The following ZC3H12B variants were observed in gnomAD, a reference collection of about 807,000 sequenced individuals.
The protein encoded by ZC3H12B is probable ribonuclease ZC3H12B.
Under a neutral mutation model 43.9 loss-of-function variants are expected in ZC3H12B, and 7 were observed. The ratio of observed to expected loss-of-function variants is 0.16; its 90% CI spans 0.09 to 0.30. ZC3H12B has a LOEUF of 0.30. Ranked by LOEUF, ZC3H12B falls within the 10% of genes least tolerant of loss-of-function variation. The probability of loss-of-function intolerance (pLI) is 1.00; values close to 1 mark genes in which losing one functional copy is unlikely to be tolerated. For synonymous variants in ZC3H12B, 222 were observed against 241.7 expected, an observed-to-expected ratio of 0.92 and a Z score of 0.76; for missense variants, 475 against 670.2, an observed-to-expected ratio of 0.71 and a Z score of 3.22.
chrX:65,232,417 A>T, the ZC3H12B span, among the ~76,000 whole-genome samples: 2 of 111,285 alleles, frequency 1.8e-5, no homozygotes, highest in African/African-American at 6.5e-5. Context: ...TAAAAAGATG[A>T]AAAAAGAACA....
At chrX:65,098,859 G>A in the ZC3H12B span, among the ~76,000 whole-genome samples, 6 of 110,419 alleles carry the variant, frequency 5.4e-5, no homozygotes, top group African/African-American at 2.0e-4. Flanking sequence ...CCCCAGTGGT[G>A]CCTGGAACCC....
intron 3 of ZC3H12B, among the ~76,000 whole-genome samples, chrX:65,456,652 C>T (rs1193867525): frequency 5.6e-5 from 6 of 107,215 alleles, no homozygotes; most frequent in African/African-American, 1.4e-4. Flanking sequence ...CTGTGTTGGC[C>T]GGGCTGGTCT....
chrX:65,245,358 C>A, the ZC3H12B span, among the ~76,000 whole-genome samples: 2 of 111,835 alleles, frequency 1.8e-5, no homozygotes, highest in African/African-American at 6.5e-5. Context: ...AAATATCATC[C>A]TGATACCAAA....
the ZC3H12B span, among the ~76,000 whole-genome samples, chrX:65,222,804 T>C: frequency 0.082 from 9,025 of 109,868 alleles, 1,027 homozygotes; most frequent in African/African-American, 0.29. Flanking sequence ...ATGACCATAC[T>C]GCCAAAGGCA....
chrX:65,215,869 G>A, the ZC3H12B span, among the ~76,000 whole-genome samples: 3 of 111,411 alleles, frequency 2.7e-5, no homozygotes, highest in African/African-American at 9.8e-5. Context: ...GGCTGTTATA[G>A]GGTTATCAAT....
At chrX:65,293,897 G>GA in the ZC3H12B span, among the ~76,000 whole-genome samples, 3 of 111,490 alleles carry the variant, frequency 2.7e-5, no homozygotes, top group East Asian at 5.6e-4. Flanking sequence ...GTTCCCAAGG[G>GA]AAAAAAGAAA....
chrX:65,361,943 C>T (rs1393996755), upstream of ZC3H12B, among the ~76,000 whole-genome samples: 2 of 112,401 alleles, frequency 1.8e-5, no homozygotes, highest in African/African-American at 3.2e-5. Flanking sequence ...ATCTGAACCG[C>T]AGCAGCCAGG....
intron 3 of ZC3H12B, among the ~76,000 whole-genome samples, chrX:65,401,355 T>C (rs1445977774): frequency 9.0e-6 from 1 of 111,668 alleles, no homozygotes; most frequent in African/African-American, 3.3e-5. Context: ...ACTTACCTGA[T>C]GCATGTCGAG....
the ZC3H12B span, among the ~76,000 whole-genome samples, chrX:65,216,466 G>A: frequency 3.6e-5 from 4 of 111,443 alleles, no homozygotes; most frequent in Non-Finnish European, 7.5e-5. Context: ...CCCAGAGGAA[G>A]GAATTTGAGT....
At chrX:65,460,037 A>C (rs1297887531) in intron 3 of ZC3H12B, among the ~76,000 whole-genome samples, 2 of 112,090 alleles carry the variant, frequency 1.8e-5, no homozygotes, top group African/African-American at 3.2e-5. Context: ...AATGTATGAA[A>C]ATCACAAGCA....
At chrX:65,121,060 T>C in the ZC3H12B span, among the ~76,000 whole-genome samples, 2 of 111,574 alleles carry the variant, frequency 1.8e-5, no homozygotes, top group South Asian at 3.8e-4. Context: ...GCCAGTATTT[T>C]ATTGAGGATT....
chrX:65,391,368 A>G (rs749080042), intron 2 of ZC3H12B, among the ~76,000 whole-genome samples: 1 of 112,699 alleles, frequency 8.9e-6, no homozygotes, highest in East Asian at 2.8e-4. Context: ...TCAGTTTCAC[A>G]GGTTGATTAT....
At chrX:65,246,112 CCAA>C in the ZC3H12B span, among the ~76,000 whole-genome samples, 2 of 111,086 alleles carry the variant, frequency 1.8e-5, no homozygotes, top group East Asian at 2.8e-4. Flanking sequence ...TTCCTATACA[CCAA>C]CAATAGTCAA....
the ZC3H12B span, among the ~76,000 whole-genome samples, chrX:65,046,255 T>C: frequency 1.8e-5 from 2 of 112,140 alleles, no homozygotes; most frequent in Non-Finnish European, 3.8e-5. Context: ...AAGTCCTAGA[T>C]GGCATCTTCT....
the ZC3H12B span, among the ~76,000 whole-genome samples, chrX:65,315,677 G>T: frequency 8.9e-6 from 1 of 111,788 alleles, no homozygotes; most frequent in African/African-American, 3.3e-5. Context: ...CCAAAGGAGA[G>T]CATCGTCAAA....
the ZC3H12B span, among the ~76,000 whole-genome samples, chrX:65,231,475 A>G: frequency 9.0e-6 from 1 of 111,028 alleles, no homozygotes; most frequent in East Asian, 2.9e-4. Flanking sequence ...ACCAGGGCGT[A>G]TCTCAATCCT....
At chrX:65,457,606 G>A (rs1317183705) in intron 3 of ZC3H12B, among the ~76,000 whole-genome samples, 5 of 81,213 alleles carry the variant, frequency 6.2e-5, no homozygotes, top group Middle Eastern at 0.011. Flanking sequence ...TGACAATGGC[G>A]GTTTTGTGGA....
At chrX:65,318,214 C>A in the ZC3H12B span, among the ~76,000 whole-genome samples, 1 of 107,848 alleles carries the variant, frequency 9.3e-6, no homozygotes, top group South Asian at 4.1e-4. Context: ...TGATTATGGC[C>A]ATTCTTGCAG....
chrX:65,158,324 T>C, the ZC3H12B span, among the ~76,000 whole-genome samples: 1 of 111,490 alleles, frequency 9.0e-6, no homozygotes, highest in Non-Finnish European at 1.9e-5. Flanking sequence ...TATTTCTAGT[T>C]GTAGATCCCT....
Sources: gnomAD v4.1 joint callset for allele counts (sites outside exome capture counted in the v4.1 genomes callset) on GRCh38, gnomAD v4.1.1 for gene constraint, MANE v1.5 for transcripts, NCBI Gene and HGNC (gene_info 2026-07-23, HGNC 2026-07-21) for gene names.